SESN1: variants seen among roughly 807,000 people sequenced by gnomAD.
SESN1 encodes sestrin 1, also known as sestrin-1.
Under a neutral mutation model 59.3 loss-of-function variants are expected in SESN1, and 30 were observed. That is an observed-to-expected ratio of 0.51 (90% CI 0.38 to 0.69). The LOEUF (loss-of-function observed/expected upper bound fraction) is 0.69, where lower values mean the gene tolerates loss of function less well. Ranked by LOEUF, SESN1 falls within the 30% of genes least tolerant of loss-of-function variation. The pLI, the probability that SESN1 is intolerant of heterozygous loss-of-function variation, is 0.00. For missense variants in SESN1, 566 were observed against 673.0 expected (o/e 0.84, Z 1.76); for synonymous variants, 197 against 219.9 (o/e 0.90, Z 0.92).
At chr6:109,056,383 G>T (rs1021579520) in intron 1 of SESN1, among the ~76,000 whole-genome samples, 2 of 152,188 alleles carry the variant, frequency 1.3e-5, no homozygotes, top group African/African-American at 4.8e-5. Context: ...CAGCCTGGGT[G>T]ACAGAGCAAG....
At chr6:109,008,190 C>A (rs1457556885) in intron 1 of SESN1, among the ~76,000 whole-genome samples, 1 of 152,114 alleles carries the variant, frequency 6.6e-6, no homozygotes, top group African/African-American at 2.4e-5. Context: ...TGAGCAAGAA[C>A]CAGGACTCTG....
intron 1 of SESN1, among the ~76,000 whole-genome samples, chr6:109,036,899 A>G (rs1780258449): frequency 6.6e-6 from 1 of 152,222 alleles, no homozygotes; most frequent in Non-Finnish European, 1.5e-5. Flanking sequence ...AGAGAGACAA[A>G]TAGGCATACT....
intron 1 of SESN1, among the ~76,000 whole-genome samples, chr6:109,030,228 C>T (rs376274398): frequency 4.6e-5 from 7 of 152,150 alleles, no homozygotes; most frequent in African/African-American, 1.7e-4. Flanking sequence ...GCTAGGACCC[C>T]CCGATCTAAG....
chr6:109,019,136 C>T (rs1779970069), intron 1 of SESN1, among the ~76,000 whole-genome samples: 1 of 152,092 alleles, frequency 6.6e-6, no homozygotes, highest in Non-Finnish European at 1.5e-5. Flanking sequence ...CATCAGAATT[C>T]TAGTAATATT....
At position 109,094,436 on chromosome 6, in the gene SESN1, C is replaced by T. The variant is rs191847502; in HGVS notation, c.-363G>A. ...GAGCTGTCAAATCCGTGCTCTGCCC[C>T]AAAAGGCTGTTAACAGCTGAACGCC... On this transcript the variant is annotated 5_prime_UTR_variant, in exon 1 of 10. Coordinates refer to ENST00000436639, the MANE Select transcript of SESN1 (RefSeq NM_014454.3). 1.7e-3 allele frequency: 398 copies of T among 240,430 alleles called. 2 individuals carry two copies. Among genetic ancestry groups the T allele is most frequent in the Admixed American group, 4.2e-3 (81 of 19,236 alleles). 14.9% of individuals were successfully genotyped at this position (240,430 alleles called of 1,614,324 possible). A position where few individuals can be genotyped will look rare whatever the true frequency, so the allele number is the denominator to read the frequency against.
chr6:109,001,552 A>T, intron 2 of SESN1, 64 bp from the exon 3 acceptor site: 1 of 1,339,134 alleles, frequency 7.5e-7, no homozygotes, highest in Non-Finnish European at 1.1e-6. Flanking sequence ...AAGAAAATAT[A>T]CATGCGCTAC....
chr6:108,992,218 C>A (rs1017763632), intron 7 of SESN1, among the ~76,000 whole-genome samples: 1 of 152,166 alleles, frequency 6.6e-6, no homozygotes, highest in Non-Finnish European at 1.5e-5. Context: ...CCCACCTCAG[C>A]CTCCTGAGTA....
chr6:109,045,190 C>T (rs112221443), intron 1 of SESN1, among the ~76,000 whole-genome samples: 5 of 152,266 alleles, frequency 3.3e-5, no homozygotes, highest in African/African-American at 1.2e-4. Context: ...TTACTAACCT[C>T]TTGTCAAGTT....
intron 1 of SESN1, among the ~76,000 whole-genome samples, chr6:109,017,958 G>A (rs1444192057): frequency 1.3e-5 from 2 of 152,154 alleles, no homozygotes; most frequent in Non-Finnish European, 2.9e-5. Flanking sequence ...TTTGAGGCCA[G>A]GAGTTTGAGA....
intron 1 of SESN1, among the ~76,000 whole-genome samples, chr6:109,048,098 A>G (rs996535128): frequency 1.5e-5 from 2 of 132,516 alleles, no homozygotes; most frequent in Non-Finnish European, 3.4e-5. Flanking sequence ...CAATAAAAAA[A>G]TAAATTAAAA....
At chr6:108,991,295 A>G (rs78383792) in intron 7 of SESN1, among the ~76,000 whole-genome samples, 14,965 of 152,100 alleles carry the variant, frequency 0.098, 907 homozygotes, top group Middle Eastern at 0.19. Context: ...AGGCTAGAGT[A>G]CAATGGTATG....
intron 1 of SESN1, chr6:109,009,052 T>G: frequency 3.2e-6 from 3 of 951,622 alleles, no homozygotes; most frequent in Admixed American, 5.2e-5. Flanking sequence ...GACAATGTTA[T>G]TTACGTATTG....
intron 1 of SESN1, among the ~76,000 whole-genome samples, chr6:109,063,176 A>G (rs1258451124): frequency 6.6e-6 from 1 of 152,254 alleles, no homozygotes; most frequent in East Asian, 1.9e-4. Context: ...AGAGGGGAGC[A>G]TGAATATGTC....
At chr6:109,067,356 T>C (rs1488513638) in intron 1 of SESN1, among the ~76,000 whole-genome samples, 2 of 152,212 alleles carry the variant, frequency 1.3e-5, no homozygotes, top group Non-Finnish European at 2.9e-5. Flanking sequence ...CAGATCATCA[T>C]TAATGTGTAG....
chr6:109,000,311 T>C, intron 4 of SESN1, 180 bp downstream of exon 4: 1 of 455,492 alleles, frequency 2.2e-6, no homozygotes, highest in South Asian at 5.7e-5. Context: ...TAGTAATATA[T>C]CAATTACAGC....
chr6:109,075,303 C>T (rs1425868377), intron 1 of SESN1, among the ~76,000 whole-genome samples: 1 of 152,150 alleles, frequency 6.6e-6, no homozygotes, highest in Non-Finnish European at 1.5e-5. Context: ...TAATGATCCT[C>T]CTGGTATTCA....
chr6:108,995,386 A>G (rs769672841), intron 5 of SESN1, among the ~76,000 whole-genome samples: 20 of 152,232 alleles, frequency 1.3e-4, no homozygotes, highest in African/African-American at 2.2e-4. Context: ...CCAATTAAAC[A>G]TGAAAGATGT....
At chr6:109,019,227 C>T (rs1779971982) in intron 1 of SESN1, among the ~76,000 whole-genome samples, 1 of 152,116 alleles carries the variant, frequency 6.6e-6, no homozygotes, top group South Asian at 2.1e-4. Context: ...ACACACACCC[C>T]TCATGATCTG....
rs781196837 is a variant in SESN1 at position 109,000,676 on chromosome 6, T to G, written c.547-3A>C. ...GAGCACTGATGTCTTGCCGCAGCCTTAAAACAAAAAGATTATTCTAATTAT... is the reference window on the plus strand; with the variant it reads ...GAGCACTGATGTCTTGCCGCAGCCTGAAAACAAAAAGATTATTCTAATTAT... On this transcript the variant is annotated splice_region_variant and splice_polypyrimidine_tract_variant and intron_variant, in intron 3 of 9. Transcript: ENST00000436639. 6.5e-7 allele frequency: 1 copy of G among 1,547,444 alleles called. No individual in the cohort carries two copies. The highest frequency in any genetic ancestry group is 2.3e-5 in the East Asian group (1 of 43,302).
Sources: gnomAD v4.1 joint callset for allele counts (sites outside exome capture counted in the v4.1 genomes callset) on GRCh38, gnomAD v4.1.1 for gene constraint, MANE v1.5 for transcripts, NCBI Gene and HGNC (gene_info 2026-07-23, HGNC 2026-07-21) for gene names.